Variants in COP1 observed in about 807,000 individuals in gnomAD.
The protein encoded by COP1 is E3 ubiquitin-protein ligase COP1.
In COP1, 24 loss-of-function variants were observed where a neutral mutation model predicts 101.3. That is an observed-to-expected ratio of 0.24 (90% CI 0.17 to 0.33). The LOEUF (loss-of-function observed/expected upper bound fraction) is 0.33, where lower values mean the gene tolerates loss of function less well. Among genes scored for constraint, COP1 ranks in the 10% least tolerant of loss-of-function variants. The pLI, the probability that COP1 is intolerant of heterozygous loss-of-function variation, is 1.00. For missense variants in COP1, 663 were observed against 906.2 expected (o/e 0.73, Z 3.45); for synonymous variants, 347 against 341.9 (o/e 1.01, Z -0.17).
At chr1:176,163,259 T>A (rs1269776483) in intron 4 of COP1, among the ~76,000 whole-genome samples, 1 of 152,218 alleles carries the variant, frequency 6.6e-6, no homozygotes, top group Admixed American at 6.5e-5. Context: ...ACCTTCAAAA[T>A]GACTGAATTT....
At chr1:176,083,576 A>G (rs1679580294) in intron 10 of COP1, among the ~76,000 whole-genome samples, 2 of 152,178 alleles carry the variant, frequency 1.3e-5, no homozygotes, top group East Asian at 3.9e-4. Flanking sequence ...TTGGTTTGTA[A>G]AAGTGTATTC....
chr1:175,963,345 C>A (rs565179321), intron 18 of COP1, among the ~76,000 whole-genome samples: 1 of 152,208 alleles, frequency 6.6e-6, no homozygotes, highest in South Asian at 2.1e-4. Flanking sequence ...CCTACTTAGA[C>A]ACTTTATTAG....
chr1:176,113,157 C>T (rs1431502606), intron 9 of COP1, among the ~76,000 whole-genome samples: 3 of 152,158 alleles, frequency 2.0e-5, no homozygotes, highest in Non-Finnish European at 4.4e-5. Context: ...TACGACTTTA[C>T]ATTCTCATCA....
chr1:175,965,682 G>A (rs1182604537), intron 18 of COP1, among the ~76,000 whole-genome samples: 2 of 151,830 alleles, frequency 1.3e-5, no homozygotes, highest in Non-Finnish European at 2.9e-5. Context: ...TCCGCTTCCC[G>A]GGTTCAAGTG....
intron 15 of COP1, among the ~76,000 whole-genome samples, chr1:176,019,330 G>A (rs1281332957): frequency 6.6e-6 from 1 of 151,388 alleles, no homozygotes; most frequent in East Asian, 1.9e-4. Context: ...GAGCATGGTG[G>A]TGTGCGCTTG....
At chr1:175,947,869 A>G (rs1649385270) in intron 18 of COP1, among the ~76,000 whole-genome samples, 4 of 152,216 alleles carry the variant, frequency 2.6e-5, no homozygotes, top group Admixed American at 2.6e-4. Flanking sequence ...AAAAAGAGTA[A>G]GTTGAGAAAA....
At chr1:176,126,219 T>C (rs916323788) in intron 8 of COP1, among the ~76,000 whole-genome samples, 5 of 152,202 alleles carry the variant, frequency 3.3e-5, no homozygotes, top group Non-Finnish European at 2.9e-5. Flanking sequence ...TTTCTTTCTC[T>C]TGTCTGACTG....
intron 11 of COP1, among the ~76,000 whole-genome samples, chr1:176,055,622 C>A (rs1246745464): frequency 6.6e-6 from 1 of 152,182 alleles, no homozygotes; most frequent in Non-Finnish European, 1.5e-5. Context: ...ACTACTGCCT[C>A]ATGTCTAGTT....
chr1:176,163,643 G>A (rs1424583196), intron 4 of COP1, among the ~76,000 whole-genome samples, 172 bp downstream of exon 4: 1 of 152,118 alleles, frequency 6.6e-6, no homozygotes, highest in Non-Finnish European at 1.5e-5. Context: ...CTCTAGTAAA[G>A]TACTACAGAC....
chr1:176,043,133 C>T, intron 14 of COP1, 53 bp downstream of exon 14: 1 of 1,043,282 alleles, frequency 9.6e-7, no homozygotes, highest in Admixed American at 1.8e-5. Flanking sequence ...AAAGGAATTA[C>T]AGTTAAGAGG....
chr1:176,116,157 C>T (rs1035531490), intron 9 of COP1, among the ~76,000 whole-genome samples: 1 of 151,976 alleles, frequency 6.6e-6, no homozygotes, highest in Non-Finnish European at 1.5e-5. Flanking sequence ...GCAGACAGAT[C>T]GCTTGAGTCC....
chr1:176,022,152 CT>C (rs772449291), intron 15 of COP1, among the ~76,000 whole-genome samples: 4 of 152,094 alleles, frequency 2.6e-5, no homozygotes, highest in Non-Finnish European at 5.9e-5. Context: ...CTTGTAAAGT[CT>C]TTTATATGTA....
intron 5 of COP1, among the ~76,000 whole-genome samples, chr1:176,159,974 T>C (rs1007820641): frequency 1.3e-5 from 2 of 152,158 alleles, no homozygotes; most frequent in African/African-American, 2.4e-5. Context: ...TTCTGTACTT[T>C]TCTGTATGCT....
chr1:176,136,522 A>G lies in COP1; in HGVS notation c.857T>C (p.Leu286Pro). The G allele has an allele frequency of 6.2e-7, 1 of 1,607,564 alleles. No individual in the cohort carries two copies. The highest frequency in any genetic ancestry group is 8.5e-7 in the Non-Finnish European group (1 of 1,175,738). The change falls in exon 7 of 20, where the codon CTA (leucine) becomes CCA (proline). Residue 286 changes from leucine to proline, a missense_variant. By Grantham distance (98) the Leu-to-Pro change is moderately conservative. Around this residue, in one of 4 missense-constraint regions of COP1, gnomAD observed 212 missense variants for 240.7 expected, o/e 0.88. Transcript: ENST00000367669. The part of the protein sequence containing the change: ...REQLEQIQKE[L>P]SVLEEDIKRV... ...CTTAATATCCTCTTCCAAAACACTT[A>G]GCTCCTTCTGGATCTGTTCCAGTTG...
chr1:175,976,313 T>G (rs941572802), intron 18 of COP1, among the ~76,000 whole-genome samples: 2 of 127,208 alleles, frequency 1.6e-5, no homozygotes, highest in Non-Finnish European at 3.3e-5. Context: ...AGTCTTGCTC[T>G]GTTGCCCAGG....
chr1:176,086,746 C>G (rs184649081), intron 9 of COP1, among the ~76,000 whole-genome samples: 1 of 152,104 alleles, frequency 6.6e-6, no homozygotes, highest in Non-Finnish European at 1.5e-5. Context: ...CTTCACAGAA[C>G]TGGCAAAACT....
intron 18 of COP1, among the ~76,000 whole-genome samples, chr1:175,966,655 T>C (rs923126271): frequency 6.6e-6 from 1 of 152,192 alleles, no homozygotes; most frequent in Non-Finnish European, 1.5e-5. Flanking sequence ...AGAAGAAAGG[T>C]GTCTTGGGTG....
chr1:176,155,677 A>C (rs766617691), intron 5 of COP1, among the ~76,000 whole-genome samples: 6 of 152,164 alleles, frequency 3.9e-5, no homozygotes, highest in Non-Finnish European at 7.4e-5. Flanking sequence ...AAACCCAAGA[A>C]GAATAAATAT....
At chr1:176,067,832 G>A (rs1032002199) in intron 11 of COP1, among the ~76,000 whole-genome samples, 5 of 152,202 alleles carry the variant, frequency 3.3e-5, no homozygotes, top group Admixed American at 2.0e-4. Context: ...GCCCACTGGG[G>A]CTTCAGGAGC....
Sources: gnomAD v4.1 joint callset for allele counts (sites outside exome capture counted in the v4.1 genomes callset) on GRCh38, gnomAD v4.1.1 for gene constraint, gnomAD v4.1.1 regional missense constraint, MANE v1.5 for transcripts, NCBI Gene and HGNC (gene_info 2026-07-23, HGNC 2026-07-21) for gene names.